The following ARHGAP6 variants were observed in gnomAD, a reference collection of about 807,000 sequenced individuals.
ARHGAP6 encodes Rho GTPase activating protein 6, also known as rho GTPase-activating protein 6.
ARHGAP6 carries 16 observed loss-of-function variants against 55.7 expected under a neutral mutation model. The ratio of observed to expected loss-of-function variants is 0.29; its 90% CI spans 0.19 to 0.44. The LOEUF (loss-of-function observed/expected upper bound fraction) is 0.44, where lower values mean the gene tolerates loss of function less well. ARHGAP6 is among the 20% of genes least tolerant of loss of function. The pLI, the probability that ARHGAP6 is intolerant of heterozygous loss-of-function variation, is 1.00. For missense variants in ARHGAP6, 698 were observed against 808.9 expected (o/e 0.86, Z 1.66); for synonymous variants, 382 against 360.9 (o/e 1.06, Z -0.66).
At position 11,511,767 on chromosome X, in the gene ARHGAP6, G is replaced by A. The variant is rs761488629; in HGVS notation, c.588+152474C>T. 6.3e-5 allele frequency among the ~76,000 whole-genome samples: 7 copies of A among 111,372 alleles called. No individual in the cohort carries two copies. The East Asian group carries it at 1.7e-3, about 27-fold the overall frequency. On this transcript the variant is annotated intron_variant, in intron 1 of 12. Transcript: ENST00000337414. Reference sequence around the variant, plus strand: ...TGAACCAGCCAGGTGAAACAGACCTGGGGAAGTCAGAGCCCCATAATCACA... The same window carrying A: ...TGAACCAGCCAGGTGAAACAGACCTAGGGAAGTCAGAGCCCCATAATCACA...
intron 1 of ARHGAP6, among the ~76,000 whole-genome samples, chrX:11,521,856 C>A (rs1292574014): frequency 9.0e-6 from 1 of 111,122 alleles, no homozygotes; most frequent in African/African-American, 3.3e-5. Flanking sequence ...TGTGGTTCTC[C>A]TTGAAGAGGT....
intron 2 of ARHGAP6, among the ~76,000 whole-genome samples, chrX:11,245,825 G>A (rs1301060986): frequency 8.9e-6 from 1 of 112,122 alleles, no homozygotes; most frequent in African/African-American, 3.2e-5. Flanking sequence ...CAAAAAATCT[G>A]CAACCTGCTG....
intron 1 of ARHGAP6, among the ~76,000 whole-genome samples, chrX:11,594,516 C>T (rs906590803): frequency 4.5e-5 from 5 of 111,464 alleles, no homozygotes; most frequent in Non-Finnish European, 7.5e-5. Flanking sequence ...AACCAGGCCT[C>T]ACAGCAGGAG....
At chrX:11,484,510 AAAGG>A (rs2050491248) in intron 1 of ARHGAP6, among the ~76,000 whole-genome samples, 1 of 107,514 alleles carries the variant, frequency 9.3e-6, no homozygotes, top group Non-Finnish European at 1.9e-5. Context: ...GGAAGAGAAA[AAAGG>A]AAGAAGGAGG....
At chrX:11,513,620 C>T (rs2050806004) in intron 1 of ARHGAP6, among the ~76,000 whole-genome samples, 1 of 110,858 alleles carries the variant, frequency 9.0e-6, no homozygotes, top group South Asian at 3.9e-4. Flanking sequence ...GTTATTTGTC[C>T]AGTCTCTCCC....
intron 1 of ARHGAP6, among the ~76,000 whole-genome samples, chrX:11,612,826 TA>T (rs753370361): frequency 6.2e-4 from 70 of 112,516 alleles, no homozygotes; most frequent in African/African-American, 2.2e-3. Context: ...GTTCTTTCAG[TA>T]AGTGGCATTA....
intron 1 of ARHGAP6, among the ~76,000 whole-genome samples, chrX:11,266,737 A>G (rs2047632577): frequency 1.8e-5 from 2 of 112,018 alleles, no homozygotes; most frequent in African/African-American, 6.5e-5. Context: ...TTCCCAGTCA[A>G]TAGGAAGTTA....
intron 1 of ARHGAP6, among the ~76,000 whole-genome samples, chrX:11,592,220 G>A (rs189077860): frequency 3.6e-5 from 4 of 112,064 alleles, no homozygotes; most frequent in African/African-American, 1.3e-4. Context: ...ATCTGCTCAG[G>A]AAGCTGGAGT....
intron 1 of ARHGAP6, among the ~76,000 whole-genome samples, chrX:11,510,089 A>C (rs964656045): frequency 8.9e-6 from 1 of 112,146 alleles, no homozygotes; most frequent in Admixed American, 9.5e-5. Flanking sequence ...ATGTCCAAAG[A>C]TATGTAATGT....
At position 11,446,911 on chromosome X, in the gene ARHGAP6, C is replaced by T. The variant is rs375305599; in HGVS notation, c.589-192204G>A. On this transcript the variant is annotated intron_variant, in intron 1 of 12. Coordinates refer to ENST00000337414, the MANE Select transcript of ARHGAP6 (RefSeq NM_013427.3). ...TTTTTTTTGGCCAGGCCATATTTTA[C>T]TATTAAAAAAAGTGCTTATTAATGA... 3.0e-4 allele frequency among the ~76,000 whole-genome samples: 33 copies of T among 111,591 alleles called. No individual in the cohort carries two copies. The South Asian group carries it at 9.1e-3, about 31-fold the overall frequency.
Position 11,665,020 on chromosome X carries a change from C to T in ARHGAP6, c.-192G>A, listed in dbSNP as rs999527862. On this transcript the variant is annotated 5_prime_UTR_variant, in exon 1 of 13. Transcript: ENST00000337414. ...CCAAGTGCCCCGGCGGCGGCAGGAG[C>T]AGCAGATCCATCACCAGCCTTCTAG... 1 of 395,128 alleles carries T rather than the reference C, an allele frequency of 2.5e-6. No homozygotes were observed. Among genetic ancestry groups the T allele is most frequent in the Non-Finnish European group, 4.3e-6 (1 of 234,208 alleles). 32.6% of individuals were successfully genotyped at this position (395,128 alleles called of 1,213,427 possible).
At chrX:11,601,454 A>G (rs1196508174) in intron 1 of ARHGAP6, among the ~76,000 whole-genome samples, 1 of 111,776 alleles carries the variant, frequency 8.9e-6, no homozygotes, top group African/African-American at 3.3e-5. Context: ...CAGACACCAG[A>G]TGGCTGCACC....
chrX:11,323,260 T>A (rs1486167439), intron 1 of ARHGAP6, among the ~76,000 whole-genome samples: 1 of 112,504 alleles, frequency 8.9e-6, no homozygotes, highest in South Asian at 3.7e-4. Context: ...AAAAAGTTCA[T>A]AGAAAATATG....
At chrX:11,172,806 C>T (rs776610594) in intron 8 of ARHGAP6, among the ~76,000 whole-genome samples, 1 of 111,708 alleles carries the variant, frequency 9.0e-6, no homozygotes, top group African/African-American at 3.3e-5. Context: ...ATATACTATA[C>T]GGCTGTGTCT....
intron 1 of ARHGAP6, among the ~76,000 whole-genome samples, chrX:11,589,102 T>C (rs1318540893): frequency 2.8e-5 from 3 of 106,734 alleles, no homozygotes; most frequent in Non-Finnish European, 3.9e-5. Context: ...AGTGCAGTAG[T>C]GCAGTCTTGG....
At chrX:11,606,601 A>T (rs778513999) in intron 1 of ARHGAP6, among the ~76,000 whole-genome samples, 1 of 111,425 alleles carries the variant, frequency 9.0e-6, no homozygotes, top group Non-Finnish European at 1.9e-5. Flanking sequence ...AATGGCCAGG[A>T]TCTCCCTTAG....
intron 1 of ARHGAP6, among the ~76,000 whole-genome samples, chrX:11,579,419 T>C (rs989949634): frequency 1.1e-4 from 12 of 112,404 alleles, no homozygotes; most frequent in Non-Finnish European, 1.9e-4. Flanking sequence ...ATGATAACTT[T>C]ATTATTTAAG....
At chrX:11,185,185 T>C (rs1474301624) in intron 5 of ARHGAP6, among the ~76,000 whole-genome samples, 2 of 110,407 alleles carry the variant, frequency 1.8e-5, no homozygotes, top group Non-Finnish European at 3.8e-5. Flanking sequence ...TGTGTATGTG[T>C]GTGTATAGAG....
intron 1 of ARHGAP6, among the ~76,000 whole-genome samples, chrX:11,452,301 T>C (rs1253922474): frequency 5.4e-5 from 6 of 111,428 alleles, no homozygotes; most frequent in Non-Finnish European, 1.1e-4. Flanking sequence ...GCATGCACCA[T>C]CATGCCCAGC....
Sources: allele counts gnomAD v4.1 joint callset (sites outside exome capture counted in the v4.1 genomes callset), GRCh38; gene constraint gnomAD v4.1.1; transcripts MANE v1.5; gene names NCBI Gene and HGNC (gene_info 2026-07-23, HGNC 2026-07-21).